PEDS1: variants seen among roughly 807,000 people sequenced by gnomAD.
PEDS1 encodes the protein plasmanylethanolamine desaturase 1.
PEDS1 carries 14 observed loss-of-function variants against 35.2 expected under a neutral mutation model. The ratio of observed to expected loss-of-function variants is 0.40; its 90% confidence interval spans 0.26 to 0.62. The LOEUF is 0.62. Among genes scored for constraint, PEDS1 ranks in the 20% least tolerant of loss-of-function variants. The pLI is 0.44. For missense variants in PEDS1, 260 were observed against 367.8 expected (o/e 0.71, Z 2.40); for synonymous variants, 152 against 152.0 (o/e 1.00, Z 0.00).
At chr20:50,141,480 C>T (rs6095786) in intron 2 of PEDS1, among the ~76,000 whole-genome samples, 8 of 152,220 alleles carry the variant, frequency 5.3e-5, no homozygotes, top group Non-Finnish European at 8.8e-5. Flanking sequence ...TTAGGCACAC[C>T]TGCATTTTGC....
chr20:50,125,019 C>G lies in PEDS1; in HGVS notation c.*39G>C. 1 of 1,609,500 alleles carries G rather than the reference C, an allele frequency of 6.2e-7. No homozygotes were observed. The highest frequency in any genetic ancestry group is 8.5e-7 in the Non-Finnish European group (1 of 1,176,766). On this transcript the variant is annotated 3_prime_UTR_variant, in exon 6 of 6. Transcript: ENST00000371652. ...TTGGCAGATGGCTTCGGTTTGGGGG[C>G]TAGGGAAGGTTGGCAACCAGGTAGC...
chr20:50,119,224 A>T lies in PEDS1; in HGVS notation c.*5834T>A, dbSNP rs1601199129. The T allele has an allele frequency of 6.6e-6, 1 of 152,060 alleles. No homozygotes were observed. The highest frequency in any genetic ancestry group is 2.4e-5 in the African/African-American group (1 of 41,398). 9.4% of individuals were successfully genotyped at this position (152,060 alleles called of 1,614,324 possible). On this transcript the variant is annotated 3_prime_UTR_variant, in exon 6 of 6. Coordinates refer to ENST00000371652, the MANE Select transcript of PEDS1 (RefSeq NM_199129.4). ...GGCAGGAGGATTGCTTGAGCACAGG[A>T]GTTTGAGACGAGTCTGGGCAACAAA...
Position 50,124,303 on chromosome 20 carries a change from AAAAAC to A in PEDS1, c.*750_*754del, listed in dbSNP as rs916587591. 1 of 152,678 alleles carries A rather than the reference AAAAAC, an allele frequency of 6.5e-6. No individual in the cohort carries two copies. The highest frequency in any genetic ancestry group is 1.5e-5 in the Non-Finnish European group (1 of 68,056). The allele number at this position is 152,678 out of a possible 1,614,324, so 9.5% of individuals were successfully genotyped here. ...ATTAAACAAGCAAGCACCTTTAAAAAAAAACAAAACAAAAAAGCCCTACTCTTCCT... is the reference window on the plus strand; with the variant it reads ...ATTAAACAAGCAAGCACCTTTAAAAAAAAACAAAAAAGCCCTACTCTTCCT... On this transcript the variant is annotated 3_prime_UTR_variant, in exon 6 of 6. Transcript: ENST00000371652.
intron 1 of PEDS1, among the ~76,000 whole-genome samples, chr20:50,148,721 A>T (rs1171760660): frequency 6.6e-6 from 1 of 152,058 alleles, no homozygotes; most frequent in Non-Finnish European, 1.5e-5. Flanking sequence ...AGCCTCAGGG[A>T]GATGGGGGAC....
chr20:50,150,724 G>A (rs1280693981), intron 1 of PEDS1, among the ~76,000 whole-genome samples: 6 of 151,370 alleles, frequency 4.0e-5, no homozygotes, highest in East Asian at 1.9e-4. Context: ...ACAGAGTCTC[G>A]CTCTGTCATC....
In PEDS1 at chr20:50,124,143, A is replaced by G. The variant is rs1331075765; in HGVS notation, c.*915T>C. On this transcript the variant is annotated 3_prime_UTR_variant, in exon 6 of 6. Transcript: ENST00000371652. ...TTGATACCCCCCACCCCACCCAGCC[A>G]GGAAACACCACGAGGCAGCCAAGGT... is the stretch of plus-strand genomic sequence containing the variant. 2 of 152,646 alleles carry G rather than the reference A, an allele frequency of 1.3e-5. No homozygotes were observed. The highest frequency in any genetic ancestry group is 2.9e-5 in the Non-Finnish European group (2 of 68,042). The allele number at this position is 152,646 out of a possible 1,614,324, so 9.5% of individuals were successfully genotyped here.
In PEDS1 at chr20:50,148,677, A is replaced by G. The variant is rs146152590; in HGVS notation, c.121+4840T>C. On this transcript the variant is annotated intron_variant, in intron 1 of 5. Transcript: ENST00000371652. ...CAGAGACAAGCCCCAAATAAGCTGG[A>G]CTTCTGAGGACCCCTGGCCTCCAGC... is the stretch of plus-strand genomic sequence containing the variant. Among the ~76,000 whole-genome samples the G allele has an allele frequency of 8.6e-3, 1,315 of 152,206 alleles. 9 individuals are homozygous for G. The highest frequency in any genetic ancestry group is 0.013 in the Non-Finnish European group (910 of 68,008).
At chr20:50,127,239 A>G (rs1293902572) in intron 5 of PEDS1, among the ~76,000 whole-genome samples, 2 of 151,338 alleles carry the variant, frequency 1.3e-5, no homozygotes, top group African/African-American at 2.4e-5. Context: ...ATTTTCCTCC[A>G]TAGCAGTTAG....
chr20:50,152,482 A>T (rs1295161754), intron 1 of PEDS1, among the ~76,000 whole-genome samples: 1 of 152,124 alleles, frequency 6.6e-6, no homozygotes, highest in African/African-American at 2.4e-5. Flanking sequence ...CACTTCCTTA[A>T]CTCCTGGGGA....
chr20:50,135,653 C>T (rs1475610262), intron 2 of PEDS1, among the ~76,000 whole-genome samples: 2 of 109,772 alleles, frequency 1.8e-5, no homozygotes, highest in Admixed American at 1.1e-4. Flanking sequence ...AGCAAAACTC[C>T]ATCTCAAAAA....
chr20:50,143,288 A>C (rs1300487988), intron 2 of PEDS1, among the ~76,000 whole-genome samples: 1 of 152,108 alleles, frequency 6.6e-6, no homozygotes, highest in Non-Finnish European at 1.5e-5. Context: ...ATGCAAGAGG[A>C]AGAGAGGAAC....
At chr20:50,130,244 C>T (rs960044165) in intron 3 of PEDS1, among the ~76,000 whole-genome samples, 1 of 152,138 alleles carries the variant, frequency 6.6e-6, no homozygotes, top group Non-Finnish European at 1.5e-5. Context: ...CTTCAGTTGG[C>T]GGAAACTACA....
At chr20:50,146,595 G>A (rs890577555) in intron 1 of PEDS1, among the ~76,000 whole-genome samples, 60 of 152,054 alleles carry the variant, frequency 3.9e-4, no homozygotes, top group African/African-American at 1.4e-3. Context: ...GCCTTCTCCA[G>A]GTCACACAAC....
intron 2 of PEDS1, among the ~76,000 whole-genome samples, chr20:50,138,285 C>CGGT (rs1386790201): frequency 6.6e-6 from 1 of 152,224 alleles, no homozygotes; most frequent in African/African-American, 2.4e-5. Flanking sequence ...CAAGGTCACA[C>CGGT]GGTGGCAGGG....
chr20:50,130,083 C>G (rs533405561), intron 3 of PEDS1, among the ~76,000 whole-genome samples: 14 of 152,164 alleles, frequency 9.2e-5, no homozygotes, highest in Non-Finnish European at 1.8e-4. Context: ...CTCCTTAGTC[C>G]AGGCTCTTCT....
chr20:50,140,598 C>T (rs969436333), intron 2 of PEDS1, among the ~76,000 whole-genome samples: 3 of 152,230 alleles, frequency 2.0e-5, no homozygotes, highest in African/African-American at 7.2e-5. Context: ...CTGCACGGCC[C>T]CTCCCTCACC....
chr20:50,129,585 G>C lies in PEDS1; in HGVS notation c.439C>G (p.Leu147Val). 1.9e-6 allele frequency: 3 copies of C among 1,614,130 alleles called. No individual in the cohort carries two copies. Among genetic ancestry groups the C allele is most frequent in the Non-Finnish European group, 2.5e-6 (3 of 1,180,000 alleles). Residue 147 changes from leucine to valine, a missense_variant, in exon 4 of 6, where the codon CTG (leucine) becomes GTG (valine). Leu to Val is a conservative substitution (Grantham distance 32, BLOSUM62 1). Transcript: ENST00000371652. This position sits in a 1 kb window ranked among gnomAD's most constrained non-coding sequence, Gnocchi z 4.2. Reference sequence around the variant, plus strand: ...CGGAACTTGTAGGCCATGTTTAGCAGCGGCAGCAGTGTCACCAGGCAGTTG... The same window carrying C: ...CGGAACTTGTAGGCCATGTTTAGCACCGGCAGCAGTGTCACCAGGCAGTTG... ...GDNCLVTLLP[L>V]LNMAYKFRTH...
chr20:50,153,465 C>T, intron 1 of PEDS1, 52 bp downstream of exon 1: 6 of 1,279,798 alleles, frequency 4.7e-6, no homozygotes, highest in Non-Finnish European at 6.0e-6. Flanking sequence ...GGGTCGCTGT[C>T]CGCAGCCGGG....
At chr20:50,151,850 C>A (rs1301763514) in intron 1 of PEDS1, among the ~76,000 whole-genome samples, 3 of 152,088 alleles carry the variant, frequency 2.0e-5, no homozygotes, top group Non-Finnish European at 4.4e-5. Flanking sequence ...CAGAGTGAGA[C>A]TCCATCTCAA....
Sources: allele counts gnomAD v4.1 joint callset (sites outside exome capture counted in the v4.1 genomes callset), GRCh38; gene constraint gnomAD v4.1.1; non-coding constraint Gnocchi (gnomAD v3.1); transcripts MANE v1.5; gene names NCBI Gene and HGNC (gene_info 2026-07-23, HGNC 2026-07-21).